The following KIF5B variants were observed in gnomAD, a reference collection of about 807,000 sequenced individuals.
KIF5B encodes the protein kinesin family member 5B.
A neutral mutation model predicts 132.8 loss-of-function variants in KIF5B; 49 were observed. The ratio of observed to expected loss-of-function variants is 0.37; its 90% CI spans 0.29 to 0.47. KIF5B has a LOEUF of 0.47. KIF5B is among the 20% of genes least tolerant of loss of function. The pLI is 1.00. For missense variants in KIF5B, 780 were observed against 1,144.0 expected (o/e 0.68, Z 4.59); for synonymous variants, 355 against 369.4 (o/e 0.96, Z 0.45).
intron 11 of KIF5B, 39 bp from the exon 12 acceptor site, chr10:32,034,077 G>T: frequency 1.6e-6 from 2 of 1,249,590 alleles, no homozygotes; most frequent in Non-Finnish European, 2.2e-6. Context: ...AAAAAACGAC[G>T]TCTAAAGCTA....
chr10:32,015,396 G>A, intron 25 of KIF5B, 113 bp downstream of exon 25: 1 of 731,900 alleles, frequency 1.4e-6, no homozygotes, highest in Non-Finnish European at 2.2e-6. Context: ...CTTTTATAAT[G>A]CTTAAGTTAA....
chr10:32,021,177 AATTAATACTG>A (rs1258239311), intron 18 of KIF5B, 39 bp downstream of exon 18: 1 of 1,605,562 alleles, frequency 6.2e-7, no homozygotes. Flanking sequence ...GACTAATCAA[AATTAATACTG>A]ATTAATTAAA....
chr10:32,033,859 G>C lies in KIF5B; in HGVS notation c.1291C>G (p.Gln431Glu). Residue 431 changes from glutamine (Q) to glutamate (E), a missense_variant, in exon 12 of 26, where the codon CAG becomes GAG. This residue lies in a region of KIF5B where 471 missense variants were observed against 569.9 expected (regional missense o/e 0.83). Coordinates refer to ENST00000302418, the MANE Select transcript of KIF5B (RefSeq NM_004521.3). ...CEEEIAKLYKQLDDKDEEINQ... is the reference protein window; with the variant it reads ...CEEEIAKLYKELDDKDEEINQ... Reference sequence around the variant, plus strand: ...GCAATACCTACCTTGTCATCAAGCTGTTTGTATAATTTAGCAATTTCTTCT... The same window carrying C: ...GCAATACCTACCTTGTCATCAAGCTCTTTGTATAATTTAGCAATTTCTTCT... 6.2e-7 allele frequency: 1 copy of C among 1,610,914 alleles called. No individual in the cohort carries two copies. Among genetic ancestry groups the C allele is most frequent in the African/African-American group, 1.3e-5 (1 of 74,950 alleles).
At position 32,034,777 on chromosome 10, in the gene KIF5B, T is replaced by G; in HGVS notation, c.1024A>C (p.Lys342Gln). 6.2e-7 allele frequency: 1 copy of G among 1,611,202 alleles called. No homozygotes were observed. The highest frequency in any genetic ancestry group is 8.5e-7 in the Non-Finnish European group (1 of 1,178,792). The part of the protein sequence containing the change: ...NVELTAEQWK[K>Q]KYEKEKEKNK... The stretch of plus-strand genomic sequence containing the variant: ...TTTTCTTTTTCTTTTTCATACTTCT[T>G]TTTCCACTGTTCTGCAGTTAACTCC... Residue 342 changes from lysine (K) to glutamine (Q), a missense_variant, in exon 11 of 26, where the codon AAG (lysine) becomes CAG (glutamine). By Grantham distance (53) the Lys-to-Gln change is moderately conservative. This residue lies in a region of KIF5B where 471 missense variants were observed against 569.9 expected (regional missense o/e 0.83). Coordinates refer to ENST00000302418, the MANE Select transcript of KIF5B (RefSeq NM_004521.3).
rs762180265 is a variant in KIF5B, at chr10:32,028,418, T to C, written c.1725+10A>G. ...GATAATTGTCCTTAATACTTAGTTA[T>C]TATATTTACCTTTACATCATTATTT... On this transcript the variant is annotated intron_variant, in intron 15 of 25. Transcript: ENST00000302418. 1.1e-5 allele frequency: 18 copies of C among 1,600,808 alleles called. No individual in the cohort carries two copies. Among genetic ancestry groups the C allele is most frequent in the Non-Finnish European group, 1.5e-5 (18 of 1,170,062 alleles).
chr10:32,039,561 T>C, intron 3 of KIF5B, 130 bp from the exon 4 acceptor site: 1 of 572,164 alleles, frequency 1.7e-6, no homozygotes, highest in Non-Finnish European at 3.1e-6. Context: ...GCTCTGTAAA[T>C]ACCTAAAAAA....
At chr10:32,018,772 T>C (rs778581205) in intron 20 of KIF5B, among the ~76,000 whole-genome samples, 4 of 152,018 alleles carry the variant, frequency 2.6e-5, no homozygotes, top group Non-Finnish European at 4.4e-5. Flanking sequence ...CAAACACTGC[T>C]CACTGCAACC....
intron 15 of KIF5B, among the ~76,000 whole-genome samples, chr10:32,026,664 A>G (rs1269075189): frequency 6.6e-6 from 1 of 152,044 alleles, no homozygotes; most frequent in Non-Finnish European, 1.5e-5. Context: ...AACATAAACC[A>G]TTTCCACTCT....
intron 5 of KIF5B, 81 bp from the exon 6 acceptor site, chr10:32,038,299 A>G (rs1841487265): frequency 2.1e-6 from 2 of 970,236 alleles, no homozygotes; most frequent in Non-Finnish European, 3.3e-6. Context: ...GGCTTTCCTG[A>G]GCAGCCTAAC....
chr10:32,033,677 A>C (rs949999515), intron 12 of KIF5B, among the ~76,000 whole-genome samples, 168 bp downstream of exon 12: 5 of 152,214 alleles, frequency 3.3e-5, no homozygotes, highest in Non-Finnish European at 7.3e-5. Context: ...TGAAATTATG[A>C]CTTTTTATTT....
rs764483850 is a variant in KIF5B, at chr10:32,055,801, G to A, written c.126+47C>T. 1.3e-5 allele frequency: 21 copies of A among 1,601,580 alleles called. No homozygotes were observed. The South Asian group carries it at 1.8e-4, about 13-fold the overall frequency. On this transcript the variant is annotated intron_variant, in intron 1 of 25. Coordinates refer to ENST00000302418, the MANE Select transcript of KIF5B (RefSeq NM_004521.3). ...CCACTTCCCTAAACTCCCCGCACAG[G>A]CCGGCCCGAAGAAGCGGGAGGAGGG...
At chr10:32,046,994 A>G (rs972051436) in intron 2 of KIF5B, among the ~76,000 whole-genome samples, 11 of 152,168 alleles carry the variant, frequency 7.2e-5, no homozygotes, top group African/African-American at 2.4e-4. Flanking sequence ...ACCATCTAAC[A>G]CAAAGCCTAT....
At position 32,039,308 on chromosome 10, in the gene KIF5B, C is replaced by A; in HGVS notation, c.393+19G>T. 1.2e-6 allele frequency: 1 copy of A among 830,530 alleles called. No homozygotes were observed. Among genetic ancestry groups the A allele is most frequent in the Non-Finnish European group, 2.0e-6 (1 of 512,000 alleles). 51.4% of individuals were successfully genotyped at this position (830,530 alleles called of 1,614,324 possible). On this transcript the variant is annotated intron_variant, in intron 4 of 25. Coordinates refer to ENST00000302418, the MANE Select transcript of KIF5B (RefSeq NM_004521.3). ...TTCTTGCTGTAAAATAAAATATAATCTTTCCTCAAGGAATTTACCTTAATA... is the reference window on the plus strand; with the variant it reads ...TTCTTGCTGTAAAATAAAATATAATATTTCCTCAAGGAATTTACCTTAATA...
At chr10:32,055,358 C>A (rs920095628) in intron 1 of KIF5B, among the ~76,000 whole-genome samples, 1 of 152,142 alleles carries the variant, frequency 6.6e-6, no homozygotes, top group Admixed American at 6.5e-5. Flanking sequence ...CAATACGGTT[C>A]AAGGACTGGT....
In KIF5B at chr10:32,022,371, T is replaced by G. The variant is rs767726709; in HGVS notation, c.1915-114A>C. ...TGATAAATTTGGGAATATTTAAAAC[T>G]AAAATATTCAGGAGCCAATTTTGAA... is the stretch of plus-strand genomic sequence containing the variant. On this transcript the variant is annotated intron_variant, in intron 16 of 25. Coordinates refer to ENST00000302418, the MANE Select transcript of KIF5B (RefSeq NM_004521.3). 227 of 612,266 alleles carry G rather than the reference T, an allele frequency of 3.7e-4. 1 individual carries two copies. Among genetic ancestry groups the G allele is most frequent in the Non-Finnish European group, 3.7e-4 (131 of 349,552 alleles). 37.9% of individuals were successfully genotyped at this position (612,266 alleles called of 1,614,324 possible). A position where few individuals can be genotyped will look rare whatever the true frequency, so the allele number is the denominator to read the frequency against.
intron 25 of KIF5B, among the ~76,000 whole-genome samples, chr10:32,012,150 C>T (rs1350672819): frequency 1.3e-5 from 2 of 152,134 alleles, no homozygotes; most frequent in African/African-American, 2.4e-5. Context: ...AAAATAAACA[C>T]AGTGACTTGA....
intron 2 of KIF5B, among the ~76,000 whole-genome samples, chr10:32,042,730 A>G (rs1841559315): frequency 6.6e-6 from 1 of 152,202 alleles, no homozygotes; most frequent in Admixed American, 6.5e-5. Flanking sequence ...CTGAACAAGT[A>G]TTACTTCTTT....
intron 25 of KIF5B, among the ~76,000 whole-genome samples, chr10:32,014,619 T>A (rs1401659556): frequency 1.3e-5 from 2 of 152,202 alleles, no homozygotes; most frequent in Non-Finnish European, 2.9e-5. Context: ...GTGACTGTTT[T>A]ATGCCCTACA....
At chr10:32,037,196 C>A (rs899209627) in intron 8 of KIF5B, 58 bp downstream of exon 8, 2 of 1,546,512 alleles carry the variant, frequency 1.3e-6, no homozygotes, top group African/African-American at 1.4e-5. Flanking sequence ...TAACTCCCAA[C>A]TCAAACTAAA....
Sources: allele counts gnomAD v4.1 joint callset (sites outside exome capture counted in the v4.1 genomes callset), GRCh38; gene constraint gnomAD v4.1.1; regional missense constraint gnomAD v4.1.1; transcripts MANE v1.5; gene names NCBI Gene and HGNC (gene_info 2026-07-23, HGNC 2026-07-21).